Variants in NDUFS4 observed in about 807,000 individuals in gnomAD.
NDUFS4 encodes NADH:ubiquinone oxidoreductase subunit S4, also known as NADH dehydrogenase [ubiquinone] iron-sulfur protein 4, mitochondrial.
NDUFS4 carries 28 observed loss-of-function variants against 24.3 expected under a neutral mutation model. The observed-to-expected ratio is 1.15, with a 90% CI of 0.85 to 1.58. The LOEUF is 1.58. Among genes scored for constraint, NDUFS4 ranks in the 40% most tolerant of loss-of-function variants. The pLI is 0.00. For synonymous variants in NDUFS4, 93 were observed against 69.7 expected (o/e 1.34, Z -1.67); for missense variants, 223 against 207.9 (o/e 1.07, Z -0.45).
chr5:53,629,654 G>A (rs897525383), intron 2 of NDUFS4, among the ~76,000 whole-genome samples: 10 of 152,032 alleles, frequency 6.6e-5, no homozygotes, highest in African/African-American at 1.7e-4. Context: ...TGTCTTTTTC[G>A]ATCTTTGTTG....
At chr5:53,670,637 A>C (rs1044063932) in intron 4 of NDUFS4, among the ~76,000 whole-genome samples, 10 of 150,728 alleles carry the variant, frequency 6.6e-5, no homozygotes, top group African/African-American at 2.2e-4. Flanking sequence ...ATATATATAT[A>C]TTCTATGTAA....
rs544812313 is a variant in NDUFS4 at position 53,655,667 on chromosome 5, A to C, written c.351-2884A>C. On this transcript the variant is annotated intron_variant, in intron 3 of 4. Transcript: ENST00000296684. ...TAATCTATTAATTATCTGATCCCTTATGTTTCTCAAGTTAATGACAGTAGC... is the reference window on the plus strand; with the variant it reads ...TAATCTATTAATTATCTGATCCCTTCTGTTTCTCAAGTTAATGACAGTAGC... Among the ~76,000 whole-genome samples the C allele has an allele frequency of 5.3e-5, 8 of 152,266 alleles. 1 individual carries two copies. The highest frequency in any genetic ancestry group is 2.6e-4 in the Admixed American group (4 of 15,290).
intron 2 of NDUFS4, among the ~76,000 whole-genome samples, chr5:53,610,154 TTAAAG>T (rs1402703790): frequency 6.6e-6 from 1 of 152,166 alleles, no homozygotes; most frequent in Non-Finnish European, 1.5e-5. Context: ...AAATTTTTAC[TTAAAG>T]TGAGAGACAT....
At chr5:53,672,483 A>G (rs1186152863) in intron 4 of NDUFS4, among the ~76,000 whole-genome samples, 1 of 152,166 alleles carries the variant, frequency 6.6e-6, no homozygotes, top group Non-Finnish European at 1.5e-5. Flanking sequence ...ATGTGTATCA[A>G]TTGTGTACAA....
chr5:53,607,726 T>C (rs1750568985), intron 2 of NDUFS4, among the ~76,000 whole-genome samples: 1 of 152,188 alleles, frequency 6.6e-6, no homozygotes, highest in East Asian at 1.9e-4. Flanking sequence ...AATATTTTGC[T>C]CCTTTTTCTA....
intron 1 of NDUFS4, among the ~76,000 whole-genome samples, chr5:53,602,362 G>T (rs1166756122): frequency 6.6e-6 from 1 of 152,004 alleles, no homozygotes. Flanking sequence ...TCTGAGTGGG[G>T]CATTTACAGT....
intron 1 of NDUFS4, among the ~76,000 whole-genome samples, chr5:53,601,545 A>G (rs982581468): frequency 1.3e-5 from 2 of 152,216 alleles, no homozygotes; most frequent in African/African-American, 4.8e-5. Context: ...GTTTTAATCT[A>G]CCTAATAATT....
chr5:53,665,948 C>G (rs1461138256), intron 4 of NDUFS4, among the ~76,000 whole-genome samples: 2 of 152,172 alleles, frequency 1.3e-5, no homozygotes, highest in African/African-American at 4.8e-5. Flanking sequence ...GGAGCTGTTC[C>G]TATTCCACCA....
At chr5:53,613,679 A>T (rs1750764901) in intron 2 of NDUFS4, among the ~76,000 whole-genome samples, 1 of 150,120 alleles carries the variant, frequency 6.7e-6, no homozygotes, top group Non-Finnish European at 1.5e-5. Context: ...AAAAAAATGG[A>T]TGAATAGCCT....
chr5:53,581,063 C>CCAGCAT (rs2112427917), intron 1 of NDUFS4, among the ~76,000 whole-genome samples: 1 of 152,200 alleles, frequency 6.6e-6, no homozygotes, highest in East Asian at 1.9e-4. Flanking sequence ...GAGCTCCCAA[C>CCAGCAT]CTCAGGTGAT....
At chr5:53,649,196 T>C (rs535310683) in intron 3 of NDUFS4, among the ~76,000 whole-genome samples, 1 of 152,332 alleles carries the variant, frequency 6.6e-6, no homozygotes, top group East Asian at 1.9e-4. Context: ...TCATACATAA[T>C]TGAATATTGT....
At chr5:53,613,339 G>C (rs1201149777) in intron 2 of NDUFS4, among the ~76,000 whole-genome samples, 2 of 152,032 alleles carry the variant, frequency 1.3e-5, no homozygotes, top group African/African-American at 4.8e-5. Flanking sequence ...GGGTAGACAG[G>C]AGTTTTTTAT....
At chr5:53,578,412 CT>C (rs1449654830) in intron 1 of NDUFS4, among the ~76,000 whole-genome samples, 4 of 152,160 alleles carry the variant, frequency 2.6e-5, no homozygotes, top group African/African-American at 9.7e-5. Flanking sequence ...TAGAAATTTT[CT>C]GTTGGCTCAC....
chr5:53,604,095 A>G (rs1750420897), intron 2 of NDUFS4, among the ~76,000 whole-genome samples: 1 of 152,234 alleles, frequency 6.6e-6, no homozygotes, highest in South Asian at 2.1e-4. Flanking sequence ...TTTGGCAGCC[A>G]TCACTTATAA....
At chr5:53,566,601 C>T (rs2112407610) in intron 1 of NDUFS4, among the ~76,000 whole-genome samples, 1 of 152,188 alleles carries the variant, frequency 6.6e-6, no homozygotes, top group East Asian at 1.9e-4. Flanking sequence ...AGATTGGTTC[C>T]AGGACTCCTC....
chr5:53,682,579 G>C (rs944422417), intron 4 of NDUFS4, among the ~76,000 whole-genome samples: 1 of 152,020 alleles, frequency 6.6e-6, no homozygotes, highest in Admixed American at 6.6e-5. Context: ...TCAGTAGCCT[G>C]TCCAAGTCCA....
At chr5:53,628,410 AG>A (rs1751295599) in intron 2 of NDUFS4, among the ~76,000 whole-genome samples, 1 of 152,180 alleles carries the variant, frequency 6.6e-6, no homozygotes, top group Non-Finnish European at 1.5e-5. Flanking sequence ...TGAGTTAAGG[AG>A]GAGTCCCTCA....
At chr5:53,569,154 A>G (rs1236934425) in intron 1 of NDUFS4, among the ~76,000 whole-genome samples, 3 of 152,094 alleles carry the variant, frequency 2.0e-5, no homozygotes, top group East Asian at 1.9e-4. Flanking sequence ...CTTCTTTTTC[A>G]AGTGATCTCT....
chr5:53,591,467 G>GT (rs1014677027), intron 1 of NDUFS4, among the ~76,000 whole-genome samples: 1 of 135,606 alleles, frequency 7.4e-6, no homozygotes, highest in Non-Finnish European at 1.6e-5. Context: ...TTTTTGGGGG[G>GT]GGGGGGTGAT....
Sources: gnomAD v4.1 joint callset for allele counts (sites outside exome capture counted in the v4.1 genomes callset) on GRCh38, gnomAD v4.1.1 for gene constraint, MANE v1.5 for transcripts, NCBI Gene and HGNC (gene_info 2026-07-23, HGNC 2026-07-21) for gene names.